The following ABI3BP variants were observed in gnomAD, a reference collection of about 807,000 sequenced individuals.
ABI3BP encodes ABI family member 3 binding protein.
In ABI3BP, 216 loss-of-function variants were observed where a neutral mutation model predicts 268.6. The ratio of observed to expected loss-of-function variants is 0.80; its 90% CI spans 0.72 to 0.90. The LOEUF is 0.90. ABI3BP is among the 40% of genes least tolerant of loss of function. The pLI is 0.00. For missense variants in ABI3BP, 2,090 were observed against 2,182.4 expected (o/e 0.96, Z 0.84); for synonymous variants, 730 against 730.0 (o/e 1.00, Z 0.00).
At chr3:100,884,565 T>C (rs2040979867) in intron 6 of ABI3BP, among the ~76,000 whole-genome samples, 2 of 152,068 alleles carry the variant, frequency 1.3e-5, no homozygotes, top group Non-Finnish European at 2.9e-5. Flanking sequence ...TATATACTAC[T>C]ATTTTTTTTC....
chr3:100,891,800 C>G (rs1405111369), intron 4 of ABI3BP, among the ~76,000 whole-genome samples: 1 of 152,182 alleles, frequency 6.6e-6, no homozygotes, highest in Admixed American at 6.5e-5. Context: ...AAATACAATG[C>G]TGGGTTCTGT....
In ABI3BP at chr3:100,862,881, C is replaced by G. The variant is rs1483539889; in HGVS notation, c.1167G>C (p.Glu389Asp). 1 of 1,535,524 alleles carries G rather than the reference C, an allele frequency of 6.5e-7. No individual in the cohort carries two copies. The highest frequency in any genetic ancestry group is 8.7e-7 in the Non-Finnish European group (1 of 1,146,712). ...TCTCAAAAGGGAAGGGTGTTTTTGC[C>G]TCAGGAAATTCTGGAAGGCTTTTTG... ...LAPKSLPEFPEAKTPFPFEKP... is the reference protein window; with the variant it reads ...LAPKSLPEFPDAKTPFPFEKP... The change falls in exon 13 of 68, where the codon GAG (glutamate) becomes GAC (aspartate). Residue 389 changes from glutamate to aspartate, a missense_variant. By Grantham distance (45) the Glu-to-Asp change is conservative. Transcript: ENST00000471714.
chr3:100,754,042 T>G lies in ABI3BP; in HGVS notation c.4931-194A>C, dbSNP rs547992683. 8.5e-5 allele frequency among the ~76,000 whole-genome samples: 13 copies of G among 152,326 alleles called. No homozygotes were observed. In the East Asian group the frequency reaches 2.5e-3, roughly 29 times the overall value. On this transcript the variant is annotated intron_variant, in intron 64 of 67. Coordinates refer to ENST00000471714, the MANE Select transcript of ABI3BP (RefSeq NM_001375547.2). ...CTTGATTGAATAATCTCCTGCCTGG[T>G]AGGTATTCAGCTGTATCTGTTACAT...
intron 2 of ABI3BP, among the ~76,000 whole-genome samples, chr3:100,925,915 TA>T (rs2061668717): frequency 6.6e-6 from 1 of 152,116 alleles, no homozygotes; most frequent in Admixed American, 6.6e-5. Context: ...TACTTTTTTT[TA>T]AAATGTAGCT....
chr3:100,768,463 T>G (rs1160954094), intron 62 of ABI3BP, among the ~76,000 whole-genome samples: 2 of 152,200 alleles, frequency 1.3e-5, no homozygotes, highest in East Asian at 3.8e-4. Context: ...TCTAGAAGCT[T>G]TCTTCCTAAT....
chr3:100,778,696 A>AC, intron 58 of ABI3BP: 1 of 263,962 alleles, frequency 3.8e-6, no homozygotes, highest in Non-Finnish European at 7.0e-6. Context: ...AAATTTTTTT[A>AC]AAAACCACAA....
Position 100,848,827 on chromosome 3 carries a change from CG to C in ABI3BP, c.1549del (p.Arg517GlyfsTer43). On this transcript the variant is annotated frameshift_variant, in exon 18 of 68. Transcript: ENST00000471714. LOFTEE classifies it high-confidence loss of function. ...AGGTTTGGTTCTTGGCGGTTTGGGC[CG>C]GGGGCGTCGTTTAGGTGTAGAAGGG... The part of the protein sequence containing the change: ...SIPSTPKRRP[R>X]PKPPRTKPER... The C allele has an allele frequency of 6.2e-7, 1 of 1,613,096 alleles. No individual in the cohort carries two copies.
chr3:100,868,175 C>T (rs1272744226), intron 9 of ABI3BP, among the ~76,000 whole-genome samples: 5 of 152,158 alleles, frequency 3.3e-5, no homozygotes, highest in East Asian at 1.9e-4. Flanking sequence ...TAAGGCTATA[C>T]AGAACTTAGA....
intron 59 of ABI3BP, among the ~76,000 whole-genome samples, chr3:100,777,934 C>CAATGATAAG (rs1560007402): frequency 3.3e-5 from 5 of 152,204 alleles, no homozygotes; most frequent in Admixed American, 6.5e-5. Context: ...AATGATAAGT[C>CAATGATAAG]AATGACAAGT....
intron 53 of ABI3BP, among the ~76,000 whole-genome samples, 193 bp downstream of exon 53, chr3:100,795,611 A>G (rs543315155): frequency 4.6e-5 from 7 of 152,184 alleles, no homozygotes; most frequent in Non-Finnish European, 1.0e-4. Context: ...TAATGTCTTA[A>G]GGTGGTCTTC....
In ABI3BP at chr3:100,812,466, C is replaced by T. The variant is rs1200812122; in HGVS notation, c.3421+1G>A. On this transcript the variant is annotated splice_donor_variant, in intron 46 of 67. Transcript: ENST00000471714. LOFTEE classifies it high-confidence loss of function. The stretch of plus-strand genomic sequence containing the variant: ...GACTTCCCATTGGGGAACATTTTTA[C>T]CTATGGTCTCCTTTGGTGACTCAGT... 1.5e-6 allele frequency: 2 copies of T among 1,295,234 alleles called. No individual in the cohort carries two copies. The highest frequency in any genetic ancestry group is 2.0e-6 in the Non-Finnish European group (2 of 1,021,406). 80.2% of individuals were successfully genotyped at this position (1,295,234 alleles called of 1,614,324 possible).
chr3:100,971,562 C>T lies in ABI3BP; in HGVS notation c.79+21744G>A, dbSNP rs886582836. Among the ~76,000 whole-genome samples, 11 of 152,230 alleles carry T rather than the reference C, an allele frequency of 7.2e-5. No individual in the cohort carries two copies. The East Asian group carries it at 1.9e-3, about 27-fold the overall frequency. On this transcript the variant is annotated intron_variant, in intron 1 of 67. Transcript: ENST00000471714. ...ATGAATCTTTAGATATTAGGGTCAC[C>T]AGGTCCAGGATGGAGAACACAGGGT...
Position 100,932,909 on chromosome 3 carries a change from C to A in ABI3BP, c.80-6428G>T, listed in dbSNP as rs78114126. Among the ~76,000 whole-genome samples the A allele has an allele frequency of 5.3e-5, 8 of 151,294 alleles. No homozygotes were observed. In the East Asian group the frequency reaches 1.6e-3, roughly 30 times the overall value. The stretch of plus-strand genomic sequence containing the variant: ...AGACACATAACCCTAACACATGGTA[C>A]TCAGTGAGACAAGCTAAACTATCAT... On this transcript the variant is annotated intron_variant, in intron 1 of 67. Coordinates refer to ENST00000471714, the MANE Select transcript of ABI3BP (RefSeq NM_001375547.2).
intron 48 of ABI3BP, 145 bp from the exon 49 acceptor site, chr3:100,810,622 A>C: frequency 1.8e-6 from 1 of 556,094 alleles, no homozygotes; most frequent in Non-Finnish European, 3.1e-6. Context: ...CTACTCCTTC[A>C]TAATGCATTT....
intron 44 of ABI3BP, among the ~76,000 whole-genome samples, chr3:100,815,696 A>C (rs1383276963): frequency 2.6e-5 from 4 of 152,142 alleles, no homozygotes; most frequent in Admixed American, 2.0e-4. Context: ...ATTTAAAGAG[A>C]GTTTCATGCT....
chr3:100,801,923 A>G (rs1458325415), intron 51 of ABI3BP, among the ~76,000 whole-genome samples: 1 of 152,222 alleles, frequency 6.6e-6, no homozygotes, highest in African/African-American at 2.4e-5. Context: ...GCTCAATTCT[A>G]AACGTATTGT....
At chr3:100,809,130 C>A (rs2097785567) in intron 49 of ABI3BP, among the ~76,000 whole-genome samples, 1 of 151,950 alleles carries the variant, frequency 6.6e-6, no homozygotes, top group South Asian at 2.1e-4. Context: ...AATCTTCTTG[C>A]CTGTAGAGAG....
chr3:100,801,764 A>T (rs1254645121), intron 51 of ABI3BP, among the ~76,000 whole-genome samples: 1 of 152,186 alleles, frequency 6.6e-6, no homozygotes, highest in African/African-American at 2.4e-5. Flanking sequence ...AAAATGGCAA[A>T]ATGTGGAGAA....
intron 7 of ABI3BP, 97 bp from the exon 8 acceptor site, chr3:100,875,676 T>G (rs1581515937): frequency 1.2e-6 from 1 of 836,462 alleles, no homozygotes; most frequent in East Asian, 2.5e-5. Context: ...AGCCTTGATC[T>G]AACTTTATTA....
Sources: gnomAD v4.1 joint callset for allele counts (sites outside exome capture counted in the v4.1 genomes callset) on GRCh38, gnomAD v4.1.1 for gene constraint, MANE v1.5 for transcripts, NCBI Gene and HGNC (gene_info 2026-07-23, HGNC 2026-07-21) for gene names.